RASD2: variants seen among roughly 807,000 people sequenced by gnomAD.
RASD2 encodes RASD family member 2.
A neutral mutation model predicts 15.8 loss-of-function variants in RASD2; 7 were observed. The observed-to-expected ratio is 0.44, with a 90% CI of 0.25 to 0.83. The LOEUF (loss-of-function observed/expected upper bound fraction) is 0.83. Among genes scored for constraint, RASD2 ranks in the 40% least tolerant of loss-of-function variants. The pLI is 0.20. For synonymous variants in RASD2, 155 were observed against 153.6 expected (o/e 1.01, Z -0.07); for missense variants, 274 against 382.8 (o/e 0.72, Z 2.37).
chr22:35,553,214 C>T lies in RASD2; in HGVS notation c.*1182C>T. 6.6e-6 allele frequency: 1 copy of T among 152,456 alleles called. No homozygotes were observed. Among genetic ancestry groups the T allele is most frequent in the Non-Finnish European group, 1.5e-5 (1 of 68,090 alleles). 9.4% of individuals were successfully genotyped at this position (152,456 alleles called of 1,614,324 possible). The stretch of plus-strand genomic sequence containing the variant: ...TGGCCTCTGCCCGCCCCTGCTGCCC[C>T]ACCACCTTCTGCACACACAGCGGTG... On this transcript the variant is annotated 3_prime_UTR_variant, in exon 3 of 3. Coordinates refer to ENST00000216127, the MANE Select transcript of RASD2 (RefSeq NM_014310.4).
At chr22:35,549,633 A>G (rs1934606692) in intron 2 of RASD2, among the ~76,000 whole-genome samples, 1 of 152,076 alleles carries the variant, frequency 6.6e-6, no homozygotes, top group African/African-American at 2.4e-5. Flanking sequence ...AGTTCCCTCC[A>G]TCACCTCCCA....
chr22:35,551,965 A>G lies in RASD2; in HGVS notation c.734A>G (p.Lys245Arg). ...ARRPSVNSDLKYIKAKVLREG... is the reference protein window; with the variant it reads ...ARRPSVNSDLRYIKAKVLREG... ...CGCCCCAGCGTCAACAGTGACCTCA[A>G]GTACATCAAGGCCAAGGTCCTTCGG... is the stretch of plus-strand genomic sequence containing the variant. Residue 245 changes from lysine (K) to arginine (R), a missense_variant, in exon 3 of 3, where the codon AAG (lysine) becomes AGG (arginine). Physicochemically the swap from Lys to Arg is conservative, Grantham distance 26 (BLOSUM62 2). Coordinates refer to ENST00000216127, the MANE Select transcript of RASD2 (RefSeq NM_014310.4). The surrounding 1 kb of genome is among the most constrained non-coding windows in gnomAD (Gnocchi z 4.9). The G allele has an allele frequency of 6.2e-7, 1 of 1,603,916 alleles. No individual in the cohort carries two copies. The highest frequency in any genetic ancestry group is 2.2e-5 in the East Asian group (1 of 44,870).
At chr22:35,538,268 A>C (rs1309856003), upstream of RASD2, among the ~76,000 whole-genome samples, 1 of 152,156 alleles carries the variant, frequency 6.6e-6, no homozygotes, top group Non-Finnish European at 1.5e-5. Context: ...CACCACACCC[A>C]GCCCAAGATT....
upstream of RASD2, among the ~76,000 whole-genome samples, chr22:35,539,523 G>A (rs1030744826): frequency 1.3e-5 from 2 of 152,208 alleles, no homozygotes; most frequent in African/African-American, 4.8e-5. Context: ...ATATGTGAAG[G>A]AGAAAGTCTC....
chr22:35,545,293 A>G (rs896612877), intron 1 of RASD2, among the ~76,000 whole-genome samples: 5 of 152,204 alleles, frequency 3.3e-5, no homozygotes, highest in Admixed American at 6.5e-5. Flanking sequence ...CATGATAGCC[A>G]GGAAGCGATG....
At chr22:35,550,477 G>A (rs930319861) in intron 2 of RASD2, among the ~76,000 whole-genome samples, 3 of 143,480 alleles carry the variant, frequency 2.1e-5, no homozygotes, top group Admixed American at 6.9e-5. Context: ...TTAAGCAAAA[G>A]TGAGGAAGGT....
rs778711974 is a variant in RASD2 at position 35,546,852 on chromosome 22, C to G, written c.43C>G (p.Pro15Ala). The change falls in exon 2 of 3, where the codon CCC becomes GCC. Residue 15 changes from proline to alanine, a missense_variant. Coordinates refer to ENST00000216127, the MANE Select transcript of RASD2 (RefSeq NM_014310.4). ...LSSGNCTLSV[P>A]AKNSYRMVVL... is the part of the protein sequence containing the mutation. ...CAGCGGGAACTGCACGCTCAGTGTG[C>G]CCGCCAAAAACTCATACCGCATGGT... 4 of 1,613,440 alleles carry G rather than the reference C, an allele frequency of 2.5e-6. No homozygotes were observed. The highest frequency in any genetic ancestry group is 2.7e-5 in the African/African-American group (2 of 74,848).
chr22:35,533,302 G>A, the RASD2 span, among the ~76,000 whole-genome samples: 2 of 152,228 alleles, frequency 1.3e-5, no homozygotes, highest in Non-Finnish European at 2.9e-5. Flanking sequence ...GAGGATGGAG[G>A]AGACACCTGT....
Position 35,553,359 on chromosome 22 carries a change from C to T in RASD2, c.*1327C>T, listed in dbSNP as rs919420896. 6.6e-6 allele frequency: 1 copy of T among 152,580 alleles called. No homozygotes were observed. Among genetic ancestry groups the T allele is most frequent in the Non-Finnish European group, 1.5e-5 (1 of 68,046 alleles). The allele number at this position is 152,580 out of a possible 1,614,324, so 9.5% of individuals were successfully genotyped here. ...GGGCTATGCTGGGTACCACCATGTA[C>T]TCAGGCATGGTGGGTTTTGAACCCA... is the stretch of plus-strand genomic sequence containing the variant. On this transcript the variant is annotated 3_prime_UTR_variant, in exon 3 of 3. Transcript: ENST00000216127.
At position 35,553,618 on chromosome 22, in the gene RASD2, C is replaced by G. The variant is rs1214556264; in HGVS notation, c.*1586C>G. 1 of 152,178 alleles carries G rather than the reference C, an allele frequency of 6.6e-6. No homozygotes were observed. The highest frequency in any genetic ancestry group is 1.5e-5 in the Non-Finnish European group (1 of 68,040). 9.4% of individuals were successfully genotyped at this position (152,178 alleles called of 1,614,324 possible). On this transcript the variant is annotated 3_prime_UTR_variant, in exon 3 of 3. Coordinates refer to ENST00000216127, the MANE Select transcript of RASD2 (RefSeq NM_014310.4). Reference sequence around the variant, plus strand: ...CCACGATGTGCTCCCTCTCTTGATGCTTGGCCCCTGGGGCCTTCAGGGCTT... The same window carrying G: ...CCACGATGTGCTCCCTCTCTTGATGGTTGGCCCCTGGGGCCTTCAGGGCTT...
chr22:35,541,809 T>A (rs1934355012), intron 1 of RASD2, among the ~76,000 whole-genome samples: 1 of 152,136 alleles, frequency 6.6e-6, no homozygotes, highest in Non-Finnish European at 1.5e-5. Flanking sequence ...TTTAAAGAGC[T>A]AGAGTAATAG....
the RASD2 span, among the ~76,000 whole-genome samples, chr22:35,533,485 C>T: frequency 2.6e-5 from 4 of 152,050 alleles, no homozygotes; most frequent in South Asian, 2.1e-4. Flanking sequence ...ATGATGATGA[C>T]GCTGACGGTG....
At chr22:35,550,023 G>A (rs934021369) in intron 2 of RASD2, among the ~76,000 whole-genome samples, 5 of 152,154 alleles carry the variant, frequency 3.3e-5, no homozygotes, top group Admixed American at 3.3e-4. Flanking sequence ...CTCTTTGGGA[G>A]GCCGAGGTGG....
rs772534783 is a variant in RASD2 at position 35,546,983 on chromosome 22, G to A, written c.174G>A (p.Lys58=). Residue 58 remains lysine (K), a synonymous_variant, in exon 2 of 3, where the codon AAG becomes AAA. Coordinates refer to ENST00000216127, the MANE Select transcript of RASD2 (RefSeq NM_014310.4). The stretch of plus-strand genomic sequence containing the variant: ...CCACCATCGAGGACTTCCACCGTAA[G>A]GTATACAACATCCGCGGCGACATGT... ...YTPTIEDFHR[K]VYNIRGDMYQ... The A allele has an allele frequency of 6.2e-7, 1 of 1,614,156 alleles. No individual in the cohort carries two copies. The highest frequency in any genetic ancestry group is 1.1e-5 in the South Asian group (1 of 91,074).
upstream of RASD2, among the ~76,000 whole-genome samples, chr22:35,537,710 T>C (rs1934262736): frequency 6.6e-6 from 1 of 152,238 alleles, no homozygotes; most frequent in Admixed American, 6.5e-5. Context: ...GGGAGAAGTG[T>C]GGACACAGTG....
At position 35,552,017 on chromosome 22, in the gene RASD2, G is replaced by A; in HGVS notation, c.786G>A (p.Lys262=). Residue 262 remains lysine, a synonymous_variant, in exon 3 of 3, where the codon AAG becomes AAA. Transcript: ENST00000216127. ...AAGGCCAGGCCCGTGAGAGGGACAA[G>A]TGCACCATCCAGTGAGCGAGGGATG... is the stretch of plus-strand genomic sequence containing the variant. ...LREGQARERD[K]CTIQ is the part of the protein sequence containing the mutation. 3 of 1,597,340 alleles carry A rather than the reference G, an allele frequency of 1.9e-6. No homozygotes were observed. Among genetic ancestry groups the A allele is most frequent in the Non-Finnish European group, 2.5e-6 (3 of 1,178,074 alleles).
chr22:35,537,279 C>T (rs977553645), upstream of RASD2, among the ~76,000 whole-genome samples: 4 of 152,148 alleles, frequency 2.6e-5, no homozygotes, highest in African/African-American at 7.2e-5. Flanking sequence ...TTCTTCTGCT[C>T]TGAGACTGTT....
the RASD2 span, among the ~76,000 whole-genome samples, chr22:35,533,202 G>T: frequency 6.6e-6 from 1 of 152,328 alleles, no homozygotes; most frequent in Non-Finnish European, 1.5e-5. Flanking sequence ...TTCCTCCATT[G>T]CCATGGAACC....
At chr22:35,543,863 C>T (rs1934419822) in intron 1 of RASD2, among the ~76,000 whole-genome samples, 1 of 149,656 alleles carries the variant, frequency 6.7e-6, no homozygotes, top group Non-Finnish European at 1.5e-5. Context: ...CTCTGTCTCC[C>T]TGCCTCCTCT....
Sources: allele counts gnomAD v4.1 joint callset (sites outside exome capture counted in the v4.1 genomes callset), GRCh38; gene constraint gnomAD v4.1.1; non-coding constraint Gnocchi (gnomAD v3.1); transcripts MANE v1.5; gene names NCBI Gene and HGNC (gene_info 2026-07-23, HGNC 2026-07-21).